Variants in ABI3BP observed in about 807,000 individuals in gnomAD.
ABI3BP encodes target of Nesh-SH3.
In ABI3BP, 216 loss-of-function variants were observed where a neutral mutation model predicts 268.6. The observed-to-expected ratio is 0.80, with a 90% confidence interval of 0.72 to 0.90. The LOEUF is 0.90. ABI3BP is among the 40% of genes least tolerant of loss of function. ABI3BP has a pLI of 0.00. For missense variants in ABI3BP, 2,090 were observed against 2,182.4 expected, an observed-to-expected ratio of 0.96 and a Z score of 0.84; for synonymous variants, 730 against 730.0, an observed-to-expected ratio of 1.00 and a Z score of 0.00.
chr3:100,924,464 T>G (rs892446855), intron 2 of ABI3BP, among the ~76,000 whole-genome samples: 6 of 152,318 alleles, frequency 3.9e-5, no homozygotes, highest in African/African-American at 1.4e-4. Flanking sequence ...GATAAAGAAA[T>G]GTGATACCTG....
intron 4 of ABI3BP, among the ~76,000 whole-genome samples, chr3:100,891,673 G>T (rs2044730405): frequency 6.6e-6 from 1 of 152,216 alleles, no homozygotes; most frequent in Non-Finnish European, 1.5e-5. Context: ...GTGGACTCTG[G>T]ATGGGAGATG....
intron 57 of ABI3BP, among the ~76,000 whole-genome samples, chr3:100,782,592 G>A (rs1439283550): frequency 2.0e-5 from 3 of 152,100 alleles, no homozygotes; most frequent in Admixed American, 2.0e-4. Context: ...AGGAGACTGA[G>A]CTCTTATTCT....
chr3:100,822,810 C>T, intron 37 of ABI3BP, 138 bp from the exon 38 acceptor site: 1 of 607,438 alleles, frequency 1.6e-6, no homozygotes, highest in East Asian at 2.8e-5. Context: ...ATGCATTCCT[C>T]CTTATAGATC....
chr3:100,795,765 C>T, intron 53 of ABI3BP, 39 bp downstream of exon 53: 1 of 1,262,374 alleles, frequency 7.9e-7, no homozygotes, highest in Non-Finnish European at 1.0e-6. Context: ...TTGATGGTAG[C>T]AAAGAAAACA....
intron 27 of ABI3BP, among the ~76,000 whole-genome samples, 170 bp downstream of exon 27, chr3:100,836,954 G>A (rs914158340): frequency 6.6e-6 from 1 of 152,204 alleles, no homozygotes; most frequent in African/African-American, 2.4e-5. Flanking sequence ...AGCAGCAGAT[G>A]TAAGGATGCC....
chr3:100,894,937 T>TAAAAAAAAAAAAAAAAAAA (rs1375517243), intron 4 of ABI3BP, among the ~76,000 whole-genome samples: 1 of 6,664 alleles, frequency 1.5e-4, no homozygotes, highest in Non-Finnish European at 3.3e-4. Flanking sequence ...GGATTCCGCT[T>TAAAAAAAAAAAAAAAAAAA]CAAAAAAAAA....
At chr3:100,853,449 C>A (rs932310741) in intron 14 of ABI3BP, among the ~76,000 whole-genome samples, 13 of 152,188 alleles carry the variant, frequency 8.5e-5, no homozygotes, top group Admixed American at 3.9e-4. Context: ...CTATCTCCTA[C>A]AAAATAAGAA....
intron 1 of ABI3BP, among the ~76,000 whole-genome samples, chr3:100,934,545 G>C (rs2153682010): frequency 6.6e-6 from 1 of 152,250 alleles, no homozygotes; most frequent in East Asian, 1.9e-4. Context: ...CTAGATCCTT[G>C]AGGAATCACC....
intron 4 of ABI3BP, among the ~76,000 whole-genome samples, chr3:100,886,585 A>G (rs1233667326): frequency 1.3e-5 from 2 of 151,952 alleles, no homozygotes; most frequent in Non-Finnish European, 1.5e-5. Flanking sequence ...TCGTTCTATT[A>G]TTTGCTGCTT....
At position 100,749,640 on chromosome 3, in the gene ABI3BP, T is replaced by C; in HGVS notation, c.*855A>G. ...AATACATAGTAAATATCCTATAAAA[T>C]GGTAGGCAATCTCATCGTGCATTAT... On this transcript the variant is annotated 3_prime_UTR_variant, in exon 68 of 68. Coordinates refer to ENST00000471714, the MANE Select transcript of ABI3BP (RefSeq NM_001375547.2). 2.5e-6 allele frequency: 1 copy of C among 398,530 alleles called. No individual in the cohort carries two copies. Among genetic ancestry groups the C allele is most frequent in the Non-Finnish European group, 4.4e-6 (1 of 225,770 alleles). 24.7% of individuals were successfully genotyped at this position (398,530 alleles called of 1,614,324 possible). A position where few individuals can be genotyped will look rare whatever the true frequency, so the allele number is the denominator to read the frequency against.
chr3:100,912,294 A>AAAAAAAAAAC (rs2056952499), intron 2 of ABI3BP: 1 of 156,468 alleles, frequency 6.4e-6, no homozygotes, highest in Non-Finnish European at 1.4e-5. Flanking sequence ...AAAAAAAAAA[A>AAAAAAAAAAC]AAAAAAAAAA....
intron 1 of ABI3BP, among the ~76,000 whole-genome samples, chr3:100,929,839 C>T (rs528918222): frequency 6.6e-6 from 1 of 151,930 alleles, no homozygotes; most frequent in Non-Finnish European, 1.5e-5. Context: ...CAGTTATTAC[C>T]AAATTGACTC....
At chr3:100,753,723 A>C in intron 65 of ABI3BP, 96 bp downstream of exon 65, 1 of 1,421,288 alleles carries the variant, frequency 7.0e-7, no homozygotes, top group Non-Finnish European at 9.7e-7. Context: ...GACTAAGTGG[A>C]AAAACGCGAA....
intron 34 of ABI3BP, among the ~76,000 whole-genome samples, chr3:100,826,883 TCA>T (rs1382584874): frequency 6.6e-6 from 1 of 152,130 alleles, no homozygotes; most frequent in Non-Finnish European, 1.5e-5. Flanking sequence ...AATGAGACAT[TCA>T]AGCCCTCCGT....
chr3:100,942,884 T>C (rs1477410838), intron 1 of ABI3BP, among the ~76,000 whole-genome samples: 1 of 152,116 alleles, frequency 6.6e-6, no homozygotes, highest in Non-Finnish European at 1.5e-5. Flanking sequence ...ATGGGCCCAA[T>C]GTCATTTGAA....
intron 61 of ABI3BP, among the ~76,000 whole-genome samples, chr3:100,771,414 T>C (rs943944532): frequency 6.6e-6 from 1 of 151,824 alleles, no homozygotes; most frequent in African/African-American, 2.4e-5. Context: ...ATCCAGCACC[T>C]AAAAGGTAAA....
chr3:100,775,456 G>A, intron 59 of ABI3BP, 121 bp from the exon 60 acceptor site: 1 of 1,313,826 alleles, frequency 7.6e-7, no homozygotes, highest in Non-Finnish European at 1.0e-6. Flanking sequence ...TATAGACCAG[G>A]CTTGGAGAGA....
chr3:100,817,434 A>G lies in ABI3BP; in HGVS notation c.3148+2T>C, dbSNP rs1481923338. On this transcript the variant is annotated splice_donor_variant, in intron 42 of 67. Coordinates refer to ENST00000471714, the MANE Select transcript of ABI3BP (RefSeq NM_001375547.2). LOFTEE classifies it high-confidence loss of function. ...TTATTCAGGAACACAGAATATCATT[A>G]CCTAACGTTGTTTCTGGAAACTTGG... 1.3e-6 allele frequency: 2 copies of G among 1,508,770 alleles called. No individual in the cohort carries two copies. Among genetic ancestry groups the G allele is most frequent in the Non-Finnish European group, 1.8e-6 (2 of 1,128,446 alleles). The allele number at this position is 1,508,770 out of a possible 1,614,324, so 93.5% of individuals were successfully genotyped here.
intron 20 of ABI3BP, chr3:100,843,981 G>C: frequency 2.0e-6 from 2 of 984,812 alleles, no homozygotes; most frequent in Non-Finnish European, 2.4e-6. Context: ...AATAGGGATA[G>C]AACTCCATCA....
Sources: gnomAD v4.1 joint callset for allele counts (sites outside exome capture counted in the v4.1 genomes callset) on GRCh38, gnomAD v4.1.1 for gene constraint, MANE v1.5 for transcripts, NCBI Gene and HGNC (gene_info 2026-07-23, HGNC 2026-07-21) for gene names.